The following NTF3 variants were observed in gnomAD, a reference collection of about 807,000 sequenced individuals.
NTF3 encodes neurotrophin 3.
In NTF3, 8 loss-of-function variants were observed where a neutral mutation model predicts 26.3. The ratio of observed to expected loss-of-function variants is 0.30; its 90% CI spans 0.18 to 0.55. The LOEUF (loss-of-function observed/expected upper bound fraction) is 0.55, where lower values mean the gene tolerates loss of function less well. NTF3 is among the 20% of genes least tolerant of loss of function. The pLI is 0.93. For missense variants in NTF3, 276 were observed against 352.9 expected (o/e 0.78, Z 1.75); for synonymous variants, 154 against 145.5 (o/e 1.06, Z -0.42).
chr12:5,492,524 G>A (rs1027682464), intron 1 of NTF3, among the ~76,000 whole-genome samples: 3 of 152,198 alleles, frequency 2.0e-5, no homozygotes, highest in African/African-American at 7.2e-5. Flanking sequence ...ATGCAGAATA[G>A]GAGGGAGATT....
At chr12:5,493,507 G>A (rs1053862118) in intron 1 of NTF3, among the ~76,000 whole-genome samples, 1 of 152,170 alleles carries the variant, frequency 6.6e-6, no homozygotes, top group African/African-American at 2.4e-5. Flanking sequence ...CGTCCCCGGG[G>A]ATGGAGCAGA....
intron 1 of NTF3, among the ~76,000 whole-genome samples, chr12:5,455,604 G>C (rs1940435956): frequency 1.4e-5 from 2 of 146,690 alleles, no homozygotes; most frequent in African/African-American, 5.1e-5. Flanking sequence ...TGATTGAGGG[G>C]GCCCCAATTC....
chr12:5,487,898 C>T (rs868479052), intron 1 of NTF3, among the ~76,000 whole-genome samples: 1 of 152,156 alleles, frequency 6.6e-6, no homozygotes, highest in Non-Finnish European at 1.5e-5. Context: ...TCTAGTTTTC[C>T]GTGACTTTAG....
chr12:5,494,248 T>C lies in NTF3; in HGVS notation c.73T>C (p.Tyr25His). 1 of 1,614,172 alleles carries C rather than the reference T, an allele frequency of 6.2e-7. No homozygotes were observed. Among genetic ancestry groups the C allele is most frequent in the East Asian group, 2.2e-5 (1 of 44,876 alleles). ...SILFYVIFLA[Y>H]LRGIQGNNMD... is the part of the protein sequence containing the mutation. ...CTTGTTTTATGTGATATTTCTCGCT[T>C]ATCTCCGTGGCATCCAAGGTAACAA... Residue 25 changes from tyrosine to histidine, a missense_variant, in exon 2 of 2, where the codon TAT becomes CAT. Tyr to His is a moderately conservative substitution (Grantham distance 83). Coordinates refer to ENST00000423158, the MANE Select transcript of NTF3 (RefSeq NM_001102654.2). The surrounding 1 kb of genome is among the most constrained non-coding windows in gnomAD (Gnocchi z 8.3).
chr12:5,449,141 C>T (rs1321065503), intron 1 of NTF3, among the ~76,000 whole-genome samples: 3 of 152,064 alleles, frequency 2.0e-5, no homozygotes, highest in Non-Finnish European at 4.4e-5. Flanking sequence ...TTGAGGAGAG[C>T]CCTGGATCAG....
intron 1 of NTF3, among the ~76,000 whole-genome samples, chr12:5,493,005 T>C (rs577758691): frequency 6.6e-6 from 1 of 152,206 alleles, no homozygotes; most frequent in Non-Finnish European, 1.5e-5. Flanking sequence ...GAGGAAATGA[T>C]GTACCCCCCT....
intron 1 of NTF3, among the ~76,000 whole-genome samples, chr12:5,463,816 C>G (rs977832272): frequency 6.6e-6 from 1 of 152,154 alleles, no homozygotes; most frequent in Non-Finnish European, 1.5e-5. Flanking sequence ...TACCAACTTG[C>G]TGTGTGACCT....
chr12:5,439,492 C>T (rs1013958625), intron 1 of NTF3, among the ~76,000 whole-genome samples: 1 of 152,182 alleles, frequency 6.6e-6, no homozygotes, highest in African/African-American at 2.4e-5. Flanking sequence ...GTAACCTGCT[C>T]CCTGCCCCCG....
At chr12:5,453,113 C>T (rs969574772) in intron 1 of NTF3, among the ~76,000 whole-genome samples, 1 of 152,200 alleles carries the variant, frequency 6.6e-6, no homozygotes, top group African/African-American at 2.4e-5. Context: ...TGACTGAACA[C>T]ATGTAGAATG....
At chr12:5,466,540 A>G (rs1940591810) in intron 1 of NTF3, among the ~76,000 whole-genome samples, 1 of 152,180 alleles carries the variant, frequency 6.6e-6, no homozygotes, top group Admixed American at 6.5e-5. Context: ...ATTTCATTCC[A>G]GAAGTGGCAT....
Position 5,456,793 on chromosome 12 carries a change from TAGAC to T in NTF3, c.18+24454_18+24457del, listed in dbSNP as rs1206606844. Among the ~76,000 whole-genome samples the T allele has an allele frequency of 6.6e-6, 1 of 152,216 alleles. No individual in the cohort carries two copies. The highest frequency in any genetic ancestry group is 6.5e-5 in the Admixed American group (1 of 15,292). ...AAGATTTTTACCAGGCTTCCTGGAA[TAGAC>T]AGGGAAGCAGAGCAAGCTCCCGTAG... is the stretch of plus-strand genomic sequence containing the variant. On this transcript the variant is annotated intron_variant, in intron 1 of 1. Coordinates refer to ENST00000423158, the MANE Select transcript of NTF3 (RefSeq NM_001102654.2). This position sits in a 1 kb window ranked among gnomAD's most constrained non-coding sequence, Gnocchi z 4.4.
At chr12:5,431,247 G>A (rs2121123326), upstream of NTF3, among the ~76,000 whole-genome samples, 1 of 152,270 alleles carries the variant, frequency 6.6e-6, no homozygotes, top group Admixed American at 6.5e-5. Flanking sequence ...CGTGCAGACT[G>A]GTGGGTGCTG....
chr12:5,469,582 G>T (rs966149339), intron 1 of NTF3, among the ~76,000 whole-genome samples: 1 of 152,160 alleles, frequency 6.6e-6, no homozygotes, highest in South Asian at 2.1e-4. Context: ...ACATATGGAC[G>T]TAAGAATTCA....
intron 1 of NTF3, among the ~76,000 whole-genome samples, chr12:5,481,593 CCACA>C (rs1252762740): frequency 6.2e-5 from 7 of 113,492 alleles, no homozygotes; most frequent in Admixed American, 9.0e-5. Context: ...CAGAATAACA[CCACA>C]CACACATACA....
At chr12:5,462,776 C>T (rs1565390188) in intron 1 of NTF3, among the ~76,000 whole-genome samples, 1 of 152,316 alleles carries the variant, frequency 6.6e-6, no homozygotes, top group South Asian at 2.1e-4. Context: ...CCTGGAAGGA[C>T]AGAGTTAACA....
At chr12:5,452,771 A>C (rs542583257) in intron 1 of NTF3, among the ~76,000 whole-genome samples, 193 of 152,344 alleles carry the variant, frequency 1.3e-3, no homozygotes, top group African/African-American at 4.5e-3. Context: ...AAGAGCACTC[A>C]GGATTATGAG....
At chr12:5,489,950 C>T (rs1384342411) in intron 1 of NTF3, among the ~76,000 whole-genome samples, 1 of 152,180 alleles carries the variant, frequency 6.6e-6, no homozygotes, top group East Asian at 1.9e-4. Flanking sequence ...AGGAATGTTG[C>T]TCCAGGGACT....
At chr12:5,468,461 C>T (rs1207954554) in intron 1 of NTF3, among the ~76,000 whole-genome samples, 4 of 152,140 alleles carry the variant, frequency 2.6e-5, no homozygotes, top group South Asian at 4.1e-4. Context: ...AGCGAGGGGG[C>T]ATTTGCTTCT....
At chr12:5,464,581 C>G (rs1248924066) in intron 1 of NTF3, among the ~76,000 whole-genome samples, 2 of 152,150 alleles carry the variant, frequency 1.3e-5, no homozygotes, top group African/African-American at 4.8e-5. Context: ...AGCCCCATCC[C>G]TTGATGATGA....
Sources: allele counts gnomAD v4.1 joint callset (sites outside exome capture counted in the v4.1 genomes callset), GRCh38; gene constraint gnomAD v4.1.1; non-coding constraint Gnocchi (gnomAD v3.1); transcripts MANE v1.5; gene names NCBI Gene and HGNC (gene_info 2026-07-23, HGNC 2026-07-21).